Variants in GLI3 observed in about 807,000 individuals in gnomAD.
GLI3 encodes the protein GLI family zinc finger 3.
A neutral mutation model predicts 100.8 loss-of-function variants in GLI3; 20 were observed. That is an observed-to-expected ratio of 0.20 (90% confidence interval 0.14 to 0.29). GLI3 has a LOEUF of 0.29. Among genes scored for constraint, GLI3 ranks in the 10% least tolerant of loss-of-function variants. The pLI is 1.00. For synonymous variants in GLI3, 938 were observed against 860.5 expected (o/e 1.09, Z -1.58); for missense variants, 2,040 against 2,128.5 (o/e 0.96, Z 0.82).
At chr7:42,194,696 C>A (rs1175632017) in intron 2 of GLI3, among the ~76,000 whole-genome samples, 4 of 151,788 alleles carry the variant, frequency 2.6e-5, no homozygotes, top group Non-Finnish European at 5.9e-5. Context: ...TCCCCAGAGT[C>A]CTACTAAGCC....
At chr7:42,174,864 C>G (rs557281576) in intron 2 of GLI3, among the ~76,000 whole-genome samples, 6 of 152,322 alleles carry the variant, frequency 3.9e-5, no homozygotes, top group Admixed American at 1.3e-4. Flanking sequence ...ATTTCCTCAT[C>G]TGTAAAACGT....
intron 3 of GLI3, among the ~76,000 whole-genome samples, chr7:42,124,830 T>C (rs1392655818): frequency 6.6e-6 from 1 of 152,198 alleles, no homozygotes. Flanking sequence ...AGAAATAAAA[T>C]CTGCCACTTT....
At chr7:42,116,487 G>GA (rs1166291083) in intron 3 of GLI3, among the ~76,000 whole-genome samples, 11,584 of 92,178 alleles carry the variant, frequency 0.13, 813 homozygotes, top group African/African-American at 0.25. Context: ...TCTGCAAAAA[G>GA]AAAAAAAAAA....
chr7:42,171,587 C>T lies in GLI3; in HGVS notation c.125-23119G>A, dbSNP rs180799224. Among the ~76,000 whole-genome samples, 178 of 152,216 alleles carry T rather than the reference C, an allele frequency of 1.2e-3. 3 individuals carry two copies. Among genetic ancestry groups the T allele is most frequent in the African/African-American group, 4.3e-3 (177 of 41,516 alleles). ...GATTATTGCTTTTGTTATTAGAAAC[C>T]ATAATCAAATGCTACAGGACACAGA... On this transcript the variant is annotated intron_variant, in intron 2 of 14. Transcript: ENST00000395925.
intron 3 of GLI3, chr7:42,145,207 G>A (rs1223658730): frequency 5.4e-6 from 1 of 184,854 alleles, no homozygotes; most frequent in Non-Finnish European, 1.1e-5. Context: ...ACTGGCAGGA[G>A]ATTAAGTAAT....
At chr7:42,038,535 C>A (rs1361817808) in intron 7 of GLI3, among the ~76,000 whole-genome samples, 1 of 152,142 alleles carries the variant, frequency 6.6e-6, no homozygotes, top group Non-Finnish European at 1.5e-5. Context: ...ATAGACATAT[C>A]CAACTCTAAA....
At chr7:42,124,013 C>T (rs959091608) in intron 3 of GLI3, among the ~76,000 whole-genome samples, 3 of 152,150 alleles carry the variant, frequency 2.0e-5, no homozygotes, top group African/African-American at 4.8e-5. Flanking sequence ...TGATGCCCAC[C>T]GAGTCATCAT....
At chr7:42,032,694 C>T (rs191256294) in intron 7 of GLI3, among the ~76,000 whole-genome samples, 79 of 152,208 alleles carry the variant, frequency 5.2e-4, no homozygotes, top group Non-Finnish European at 9.3e-4. Flanking sequence ...CATAATATGG[C>T]TTGCTGTAGC....
intron 5 of GLI3, among the ~76,000 whole-genome samples, 173 bp downstream of exon 5, chr7:42,048,318 T>C (rs987568828): frequency 8.6e-5 from 13 of 151,906 alleles, no homozygotes; most frequent in Admixed American, 3.3e-4. Flanking sequence ...ATAACACCAC[T>C]GCCAATGAGG....
intron 3 of GLI3, among the ~76,000 whole-genome samples, chr7:42,115,357 C>T (rs553509922): frequency 9.2e-4 from 140 of 152,166 alleles, no homozygotes; most frequent in Admixed American, 2.2e-3. Context: ...CCAGGCTGGT[C>T]TGGAACTCCT....
At chr7:42,260,925 A>G (rs1789131089) in intron 1 of GLI3, among the ~76,000 whole-genome samples, 1 of 152,168 alleles carries the variant, frequency 6.6e-6, no homozygotes, top group African/African-American at 2.4e-5. Context: ...TATATTCACA[A>G]TCCATACGTT....
intron 12 of GLI3, among the ~76,000 whole-genome samples, chr7:41,975,905 TTC>T (rs1342580666): frequency 6.6e-6 from 1 of 152,232 alleles, no homozygotes; most frequent in African/African-American, 2.4e-5. Flanking sequence ...ATGAAATACA[TTC>T]TGTTAAGTCA....
intron 4 of GLI3, among the ~76,000 whole-genome samples, chr7:42,055,060 T>A (rs544394796): frequency 7.0e-6 from 1 of 143,828 alleles, no homozygotes; most frequent in Non-Finnish European, 1.5e-5. Flanking sequence ...TACACACACA[T>A]ATATGTATAC....
At chr7:42,258,141 A>G (rs374478269) in intron 1 of GLI3, among the ~76,000 whole-genome samples, 100 of 152,358 alleles carry the variant, frequency 6.6e-4, no homozygotes, top group African/African-American at 2.3e-3. Context: ...ACTAGACTGC[A>G]AGCTCCATGA....
At chr7:42,174,354 C>T (rs962551504) in intron 2 of GLI3, among the ~76,000 whole-genome samples, 2 of 152,282 alleles carry the variant, frequency 1.3e-5, no homozygotes, top group East Asian at 3.9e-4. Context: ...AATTTCCTGA[C>T]TTTGTTTACT....
At chr7:42,181,391 AG>A (rs1310944886) in intron 2 of GLI3, among the ~76,000 whole-genome samples, 1 of 152,152 alleles carries the variant, frequency 6.6e-6, no homozygotes, top group Non-Finnish European at 1.5e-5. Flanking sequence ...TCTTGAGCCC[AG>A]GAGTTCAAGA....
intron 4 of GLI3, among the ~76,000 whole-genome samples, chr7:42,058,764 C>G (rs1300069151): frequency 6.6e-6 from 1 of 152,202 alleles, no homozygotes; most frequent in Non-Finnish European, 1.5e-5. Context: ...ATACAAGTAT[C>G]ACTGTACAAG....
chr7:41,998,627 C>T (rs1788199052), intron 10 of GLI3, among the ~76,000 whole-genome samples: 2 of 152,142 alleles, frequency 1.3e-5, no homozygotes, highest in African/African-American at 4.8e-5. Flanking sequence ...TAGAACATTT[C>T]AATAGAGTGC....
At chr7:42,050,981 C>G (rs1423686434) in intron 4 of GLI3, among the ~76,000 whole-genome samples, 7 of 152,226 alleles carry the variant, frequency 4.6e-5, no homozygotes, top group African/African-American at 1.4e-4. Flanking sequence ...AAGCTGTTTT[C>G]TCCTCACAAA....
Sources: gnomAD v4.1 joint callset for allele counts (sites outside exome capture counted in the v4.1 genomes callset) on GRCh38, gnomAD v4.1.1 for gene constraint, MANE v1.5 for transcripts, NCBI Gene and HGNC (gene_info 2026-07-23, HGNC 2026-07-21) for gene names.